Variants in MAGI2 observed in about 807,000 individuals in gnomAD.
MAGI2 encodes membrane-associated guanylate kinase, WW and PDZ domain-containing protein 2.
A neutral mutation model predicts 133.3 loss-of-function variants in MAGI2; 35 were observed. That is an observed-to-expected ratio of 0.26 (90% confidence interval 0.20 to 0.35). The LOEUF is 0.35. Ranked by LOEUF, MAGI2 falls within the 10% of genes least tolerant of loss-of-function variation. The pLI, the probability that MAGI2 is intolerant of heterozygous loss-of-function variation, is 1.00. For missense variants in MAGI2, 1,636 were observed against 1,863.4 expected, an observed-to-expected ratio of 0.88 and a Z score of 2.25; for synonymous variants, 729 against 710.6, an observed-to-expected ratio of 1.03 and a Z score of -0.41.
intron 9 of MAGI2, among the ~76,000 whole-genome samples, chr7:78,307,836 C>T (rs1433722868): frequency 6.6e-6 from 1 of 152,106 alleles, no homozygotes; most frequent in African/African-American, 2.4e-5. Flanking sequence ...TCTAAAAAAT[C>T]GTTTCAGGAA....
intron 21 of MAGI2, among the ~76,000 whole-genome samples, chr7:78,077,804 A>C (rs1415328174): frequency 1.5e-5 from 2 of 135,222 alleles, no homozygotes; most frequent in African/African-American, 5.8e-5. Flanking sequence ...GTCTCAGCTC[A>C]CTGCAATCTC....
At chr7:79,003,148 C>G (rs1394980753) in intron 2 of MAGI2, among the ~76,000 whole-genome samples, 5 of 151,942 alleles carry the variant, frequency 3.3e-5, no homozygotes, top group African/African-American at 1.2e-4. Context: ...CAAGGACCAA[C>G]TTGTCCACAA....
intron 2 of MAGI2, among the ~76,000 whole-genome samples, chr7:78,891,189 A>G (rs1241637685): frequency 6.6e-6 from 1 of 152,226 alleles, no homozygotes; most frequent in African/African-American, 2.4e-5. Flanking sequence ...AAGAAGTTGA[A>G]TTTCTGAATA....
intron 2 of MAGI2, among the ~76,000 whole-genome samples, chr7:78,933,844 G>A (rs73375257): frequency 0.011 from 1,658 of 152,148 alleles, 29 homozygotes; most frequent in African/African-American, 0.037. Flanking sequence ...GGCAGGTAAC[G>A]CTGGAGAAAA....
At chr7:78,701,755 A>G (rs943268061) in intron 2 of MAGI2, among the ~76,000 whole-genome samples, 3 of 151,970 alleles carry the variant, frequency 2.0e-5, no homozygotes, top group African/African-American at 7.2e-5. Context: ...ATTTACAAAC[A>G]GCTATACTTG....
intron 1 of MAGI2, among the ~76,000 whole-genome samples, chr7:79,434,586 T>G (rs2129189940): frequency 6.6e-6 from 1 of 152,294 alleles, no homozygotes; most frequent in South Asian, 2.1e-4. Flanking sequence ...GTCAAAAATC[T>G]ACCACAGCAT....
At chr7:78,557,097 A>AAAAAAAAAAAAAAAAAAAAAAAG (rs1554473311) in intron 3 of MAGI2, among the ~76,000 whole-genome samples, 1 of 138,956 alleles carries the variant, frequency 7.2e-6, no homozygotes, top group African/African-American at 3.0e-5. Context: ...AAAAAAAAAA[A>AAAAAAAAAAAAAAAAAAAAAAAG]AAAGAAAAAG....
chr7:78,701,529 C>T (rs541397347), intron 2 of MAGI2, among the ~76,000 whole-genome samples: 4 of 151,948 alleles, frequency 2.6e-5, no homozygotes, highest in Admixed American at 6.6e-5. Context: ...TGGAATCTTA[C>T]GTAGGGTGTA....
intron 20 of MAGI2, among the ~76,000 whole-genome samples, chr7:78,091,256 G>A (rs1225751751): frequency 2.0e-5 from 3 of 152,188 alleles, no homozygotes; most frequent in African/African-American, 7.2e-5. Flanking sequence ...GGGAGGCAGA[G>A]TCTTTGGGAG....
Position 78,348,869 on chromosome 7 carries a change from T to A in MAGI2, c.1104-2826A>T, listed in dbSNP as rs145276327. 3.4e-3 allele frequency among the ~76,000 whole-genome samples: 517 copies of A among 152,302 alleles called. 4 individuals are homozygous for A. The highest frequency in any genetic ancestry group is 0.012 in the African/African-American group (502 of 41,566). On this transcript the variant is annotated intron_variant, in intron 7 of 21. Coordinates refer to ENST00000354212, the MANE Select transcript of MAGI2 (RefSeq NM_012301.4). ...ATTGATAAGATAGGTTCCTATTTAT[T>A]TACTAGAGTTTTGTTGCAAATTAGC...
At chr7:78,344,441 A>AT (rs532198234) in intron 8 of MAGI2, among the ~76,000 whole-genome samples, 38 of 150,830 alleles carry the variant, frequency 2.5e-4, no homozygotes, top group Middle Eastern at 6.8e-3. Context: ...TGGACTTGTG[A>AT]TTTTTTTTTT....
intron 1 of MAGI2, among the ~76,000 whole-genome samples, chr7:79,060,134 A>T (rs965337291): frequency 6.6e-6 from 1 of 152,052 alleles, no homozygotes; most frequent in African/African-American, 2.4e-5. Context: ...TGAAACCAAA[A>T]TATCTCTTAC....
At position 78,361,202 on chromosome 7, in the gene MAGI2, C is replaced by T. The variant is rs369408986; in HGVS notation, c.1103+7954G>A. ...CGAGGTCAGGAGTTCAAGACCAGCCCGGCCAAGATGGTGAAACCCCGTTTC... is the reference window on the plus strand; with the variant it reads ...CGAGGTCAGGAGTTCAAGACCAGCCTGGCCAAGATGGTGAAACCCCGTTTC... On this transcript the variant is annotated intron_variant, in intron 7 of 21. Coordinates refer to ENST00000354212, the MANE Select transcript of MAGI2 (RefSeq NM_012301.4). Among the ~76,000 whole-genome samples the T allele has an allele frequency of 4.1e-3, 618 of 151,988 alleles. 6 individuals are homozygous for T. Among genetic ancestry groups the T allele is most frequent in the South Asian group, 0.025 (118 of 4,806 alleles).
rs762906404 is a variant in MAGI2, at chr7:78,135,033, T to A, written c.3019A>T (p.Ile1007Phe). Residue 1007 changes from isoleucine (I) to phenylalanine (F), a missense_variant, in exon 17 of 22, where the codon ATT (isoleucine) becomes TTT (phenylalanine). This residue lies in a region of MAGI2 where 920 missense variants were observed against 1,093.5 expected (regional missense o/e 0.84). Coordinates refer to ENST00000354212, the MANE Select transcript of MAGI2 (RefSeq NM_012301.4). ...CTCAGGCACTCACCCTCCTGAGGAA[T>A]GATGCGAAGGGTGACACTAAGACCT... is the stretch of plus-strand genomic sequence containing the variant. The part of the protein sequence containing the change: ...DAGLSVTLRI[I>F]PQEELNSPTS... 1.2e-6 allele frequency: 2 copies of A among 1,613,932 alleles called. No individual in the cohort carries two copies. The highest frequency in any genetic ancestry group is 1.3e-5 in the African/African-American group (1 of 74,918).
intron 1 of MAGI2, among the ~76,000 whole-genome samples, chr7:79,032,286 G>A (rs984134175): frequency 6.6e-6 from 1 of 152,116 alleles, no homozygotes; most frequent in African/African-American, 2.4e-5. Flanking sequence ...GAAGGCCAAG[G>A]CGGGCAGATC....
At chr7:78,037,427 C>T (rs1172352943) in intron 21 of MAGI2, among the ~76,000 whole-genome samples, 1 of 152,168 alleles carries the variant, frequency 6.6e-6, no homozygotes, top group Non-Finnish European at 1.5e-5. Context: ...CATCTGAGCC[C>T]TCATCGGTGT....
chr7:78,192,228 T>TC (rs890264818), intron 12 of MAGI2, among the ~76,000 whole-genome samples: 51 of 151,176 alleles, frequency 3.4e-4, no homozygotes, highest in African/African-American at 8.7e-4. Context: ...CACTGATTTT[T>TC]CCCCCCCCAG....
chr7:78,175,873 A>G (rs887241489), intron 14 of MAGI2, among the ~76,000 whole-genome samples: 2 of 152,216 alleles, frequency 1.3e-5, no homozygotes, highest in African/African-American at 2.4e-5. Context: ...CTGCTGATTA[A>G]AACAAAATCG....
chr7:78,340,056 C>A (rs1009664375), intron 9 of MAGI2, among the ~76,000 whole-genome samples: 2 of 151,926 alleles, frequency 1.3e-5, no homozygotes, highest in African/African-American at 4.8e-5. Flanking sequence ...ACTTTAAAAC[C>A]CATGGAAGAA....
Sources: allele counts gnomAD v4.1 joint callset (sites outside exome capture counted in the v4.1 genomes callset), GRCh38; gene constraint gnomAD v4.1.1; regional missense constraint gnomAD v4.1.1; transcripts MANE v1.5; gene names NCBI Gene and HGNC (gene_info 2026-07-23, HGNC 2026-07-21).